The following ATP8A2 variants were observed in gnomAD, a reference collection of about 807,000 sequenced individuals.
ATP8A2 encodes phospholipid-transporting ATPase IB.
Under a neutral mutation model 165.6 loss-of-function variants are expected in ATP8A2, and 100 were observed. The ratio of observed to expected loss-of-function variants is 0.60; its 90% confidence interval spans 0.51 to 0.71. The LOEUF (loss-of-function observed/expected upper bound fraction) is 0.71. Among genes scored for constraint, ATP8A2 ranks in the 30% least tolerant of loss-of-function variants. The pLI is 0.00. For missense variants in ATP8A2, 1,227 were observed against 1,479.5 expected, an observed-to-expected ratio of 0.83 and a Z score of 2.80; for synonymous variants, 543 against 548.8, an observed-to-expected ratio of 0.99 and a Z score of 0.15.
chr13:25,854,504 G>C (rs1015432644), intron 30 of ATP8A2, among the ~76,000 whole-genome samples: 1 of 152,068 alleles, frequency 6.6e-6, no homozygotes, highest in Non-Finnish European at 1.5e-5. Context: ...TAAAAAATTT[G>C]TTCATAGAGA....
intron 31 of ATP8A2, 61 bp from the exon 32 acceptor site, chr13:25,860,743 T>C (rs2138757329): frequency 5.2e-6 from 7 of 1,343,750 alleles, no homozygotes; most frequent in South Asian, 1.2e-5. Context: ...GGATTTCTCA[T>C]GGAAAGTGAA....
At chr13:25,722,391 T>A (rs2138040470) in intron 25 of ATP8A2, among the ~76,000 whole-genome samples, 1 of 152,312 alleles carries the variant, frequency 6.6e-6, no homozygotes, top group East Asian at 1.9e-4. Context: ...CATCAGGAAG[T>A]TCCCCATTCC....
At chr13:25,939,173 C>A (rs1161943688) in intron 33 of ATP8A2, among the ~76,000 whole-genome samples, 3 of 152,106 alleles carry the variant, frequency 2.0e-5, no homozygotes, top group Non-Finnish European at 4.4e-5. Flanking sequence ...CTCATGGGAA[C>A]TACTCTCTCT....
intron 2 of ATP8A2, among the ~76,000 whole-genome samples, chr13:25,504,725 C>T (rs1225058634): frequency 1.2e-4 from 15 of 122,252 alleles, no homozygotes; most frequent in African/African-American, 3.6e-4. Context: ...CCGGCCTGGG[C>T]GACAGAGCGA....
chr13:25,660,850 A>G (rs2137688903), intron 24 of ATP8A2, among the ~76,000 whole-genome samples: 1 of 152,150 alleles, frequency 6.6e-6, no homozygotes, highest in Non-Finnish European at 1.5e-5. Context: ...GGTTACCCCA[A>G]AAGGGACTCT....
chr13:25,789,830 T>C (rs2045121862), intron 27 of ATP8A2, among the ~76,000 whole-genome samples: 3 of 152,210 alleles, frequency 2.0e-5, no homozygotes, highest in Admixed American at 2.0e-4. Context: ...CTTCAAACTA[T>C]GCTGCAGGGC....
chr13:25,534,042 A>C, intron 6 of ATP8A2: 1 of 440,986 alleles, frequency 2.3e-6, no homozygotes, highest in East Asian at 7.0e-5. Context: ...GGTAACTTGA[A>C]GTGGTTCTTC....
intron 27 of ATP8A2, among the ~76,000 whole-genome samples, chr13:25,797,968 A>C (rs2138438527): frequency 6.6e-6 from 1 of 152,352 alleles, no homozygotes; most frequent in Admixed American, 6.5e-5. Flanking sequence ...TTAAGAGATA[A>C]GTGAATCTTA....
chr13:25,608,122 T>C (rs1055287991), intron 24 of ATP8A2, among the ~76,000 whole-genome samples: 3 of 152,224 alleles, frequency 2.0e-5, no homozygotes, highest in Admixed American at 6.5e-5. Context: ...ATTTGGCTTA[T>C]GGTTCTGGGA....
intron 35 of ATP8A2, among the ~76,000 whole-genome samples, chr13:25,986,370 C>G (rs1956280689): frequency 6.6e-6 from 1 of 152,218 alleles, no homozygotes; most frequent in African/African-American, 2.4e-5. Flanking sequence ...CTATTTTTCT[C>G]ACTTCTTGAC....
At chr13:25,502,163 G>A (rs2036873803) in intron 2 of ATP8A2, among the ~76,000 whole-genome samples, 1 of 152,106 alleles carries the variant, frequency 6.6e-6, no homozygotes. Flanking sequence ...TGGATCACGG[G>A]GTGTTTTTAA....
intron 25 of ATP8A2, among the ~76,000 whole-genome samples, chr13:25,748,688 G>A (rs2044089425): frequency 2.0e-5 from 3 of 152,132 alleles, no homozygotes; most frequent in Admixed American, 2.0e-4. Context: ...TTCTGCTTCA[G>A]GGCCTGTTCA....
rs577530521 is a variant in ATP8A2 at position 25,551,285 on chromosome 13, C to T, written c.892-53C>T. On this transcript the variant is annotated intron_variant, in intron 10 of 36. Transcript: ENST00000381655. ...TGTTTTACCTCCTTTCCCCCAACCC[C>T]TTGCCCCAAATCTGTTCTGTGACCC... 5.7e-5 allele frequency: 88 copies of T among 1,542,890 alleles called. No homozygotes were observed. The Admixed American group carries it at 1.1e-3, about 20-fold the overall frequency.
At chr13:25,819,420 A>G (rs751396947) in intron 27 of ATP8A2, among the ~76,000 whole-genome samples, 7 of 152,094 alleles carry the variant, frequency 4.6e-5, no homozygotes, top group South Asian at 2.1e-4. Context: ...TACTACTACT[A>G]CTGTTATTAT....
intron 1 of ATP8A2, among the ~76,000 whole-genome samples, chr13:25,459,298 G>A (rs1050463831): frequency 6.6e-6 from 1 of 152,210 alleles, no homozygotes; most frequent in African/African-American, 2.4e-5. Context: ...TTCTATACAG[G>A]ATGATGCCTT....
chr13:25,802,652 G>A (rs1010576613), intron 27 of ATP8A2, among the ~76,000 whole-genome samples: 17 of 152,170 alleles, frequency 1.1e-4, no homozygotes, highest in African/African-American at 3.9e-4. Flanking sequence ...ATGGAAGCCT[G>A]ATGTGCTGGA....
intron 27 of ATP8A2, among the ~76,000 whole-genome samples, chr13:25,784,288 A>G (rs2044965795): frequency 6.6e-6 from 1 of 152,170 alleles, no homozygotes; most frequent in African/African-American, 2.4e-5. Flanking sequence ...TCCAGGGCTC[A>G]CGTGAACTTT....
In ATP8A2 at chr13:25,787,714, G is replaced by C. The variant is rs560008782; in HGVS notation, c.2679+12755G>C. The stretch of plus-strand genomic sequence containing the variant: ...TCTGGTTCCATAACACCATTGGCCG[G>C]GCCTCTCTGCCTCAGGGCCTCTCCG... On this transcript the variant is annotated intron_variant, in intron 27 of 36. Transcript: ENST00000381655. Among the ~76,000 whole-genome samples the C allele has an allele frequency of 1.3e-4, 20 of 152,310 alleles. 1 individual carries two copies. The South Asian group carries it at 4.1e-3, about 32-fold the overall frequency.
chr13:25,859,635 T>C (rs12864235), intron 30 of ATP8A2, among the ~76,000 whole-genome samples: 30,514 of 152,096 alleles, frequency 0.2, 3,356 homozygotes, highest in Non-Finnish European at 0.25. Flanking sequence ...ACTTCTGTCA[T>C]TGGAGTGCTT....
Sources: gnomAD v4.1 joint callset for allele counts (sites outside exome capture counted in the v4.1 genomes callset) on GRCh38, gnomAD v4.1.1 for gene constraint, MANE v1.5 for transcripts, NCBI Gene and HGNC (gene_info 2026-07-23, HGNC 2026-07-21) for gene names.